The following SLC8A1 variants were observed in gnomAD, a reference collection of about 807,000 sequenced individuals.
The protein encoded by SLC8A1 is solute carrier family 8 member A1.
Under a neutral mutation model 68.3 loss-of-function variants are expected in SLC8A1, and 18 were observed. That is an observed-to-expected ratio of 0.26 (90% confidence interval 0.18 to 0.39). The LOEUF (loss-of-function observed/expected upper bound fraction) is 0.39. Among genes scored for constraint, SLC8A1 ranks in the 10% least tolerant of loss-of-function variants. The probability of loss-of-function intolerance (pLI) is 1.00; values close to 1 mark genes in which losing one functional copy is unlikely to be tolerated. For synonymous variants in SLC8A1, 475 were observed against 415.5 expected, an observed-to-expected ratio of 1.14 and a Z score of -1.74; for missense variants, 985 against 1,156.7, an observed-to-expected ratio of 0.85 and a Z score of 2.15.
At chr2:40,353,614 G>C (rs530919692) in intron 2 of SLC8A1, among the ~76,000 whole-genome samples, 3 of 152,236 alleles carry the variant, frequency 2.0e-5, no homozygotes, top group East Asian at 1.9e-4. Flanking sequence ...TAAATTTTAA[G>C]CATGTTATAA....
Position 40,330,366 on chromosome 2 carries a change from T to C in SLC8A1, c.1808+98107A>G, listed in dbSNP as rs143594529. 3.5e-3 allele frequency among the ~76,000 whole-genome samples: 529 copies of C among 152,338 alleles called. 2 individuals carry two copies. Among genetic ancestry groups the C allele is most frequent in the African/African-American group, 0.012 (493 of 41,584 alleles). The stretch of plus-strand genomic sequence containing the variant: ...GCTGAATTCCCATAAAATTTAGTTT[T>C]ACCTCTTTGAAAACTATGTGTGTTG... On this transcript the variant is annotated intron_variant, in intron 2 of 7. Coordinates refer to ENST00000406785, the Ensembl canonical transcript of SLC8A1.
intron 2 of SLC8A1, among the ~76,000 whole-genome samples, chr2:40,222,172 A>G (rs1023156813): frequency 2.6e-5 from 4 of 151,638 alleles, no homozygotes; most frequent in Non-Finnish European, 5.9e-5. Context: ...CAAATTAGAT[A>G]TATATATATA....
At chr2:40,371,189 T>G (rs1339039426) in intron 2 of SLC8A1, among the ~76,000 whole-genome samples, 1 of 152,120 alleles carries the variant, frequency 6.6e-6, no homozygotes, top group Non-Finnish European at 1.5e-5. Context: ...ATTTCAGGTG[T>G]TCACAGGAAA....
At chr2:40,132,024 G>A (rs2039475539) in intron 7 of SLC8A1, among the ~76,000 whole-genome samples, 1 of 151,924 alleles carries the variant, frequency 6.6e-6, no homozygotes, top group Non-Finnish European at 1.5e-5. Context: ...ACTCCATTAG[G>A]TGTTTTTCAT....
At chr2:40,128,428 G>T (rs1471466918) in intron 7 of SLC8A1, among the ~76,000 whole-genome samples, 4 of 152,138 alleles carry the variant, frequency 2.6e-5, no homozygotes, top group Non-Finnish European at 5.9e-5. Context: ...CTTCCTAATG[G>T]TTGTAATGGA....
chr2:40,238,976 G>A (rs1383348558), intron 2 of SLC8A1, among the ~76,000 whole-genome samples: 1 of 151,682 alleles, frequency 6.6e-6, no homozygotes, highest in Non-Finnish European at 1.5e-5. Context: ...CATGGAAACA[G>A]TTCCAAAACA....
intron 1 of SLC8A1, among the ~76,000 whole-genome samples, chr2:40,496,952 A>C (rs1705746816): frequency 1.4e-5 from 2 of 147,946 alleles, no homozygotes; most frequent in African/African-American, 5.0e-5. Flanking sequence ...GAGGGATAGC[A>C]TTGGGAGATA....
intron 6 of SLC8A1, among the ~76,000 whole-genome samples, chr2:40,155,453 A>G (rs2044299838): frequency 6.6e-6 from 1 of 152,124 alleles, no homozygotes; most frequent in African/African-American, 2.4e-5. Context: ...AACTGCTTAA[A>G]TTGGATTTTC....
At chr2:40,111,560 C>T (rs2034552965) in exon 8 of SLC8A1, 1 of 152,136 alleles carries the variant, frequency 6.6e-6, no homozygotes, top group Admixed American at 6.5e-5. Flanking sequence ...ATAGTAAGAA[C>T]TAAGTCCACT....
chr2:40,216,643 TC>T (rs2057529321), intron 2 of SLC8A1, among the ~76,000 whole-genome samples: 1 of 152,216 alleles, frequency 6.6e-6, no homozygotes, highest in Non-Finnish European at 1.5e-5. Context: ...TTCCTATTTC[TC>T]CATTGTGTCG....
At chr2:40,119,665 T>C (rs1259232165) in intron 7 of SLC8A1, among the ~76,000 whole-genome samples, 3 of 152,238 alleles carry the variant, frequency 2.0e-5, no homozygotes, top group Admixed American at 2.0e-4. Flanking sequence ...AAAACTTTTA[T>C]ATATGGATCA....
intron 2 of SLC8A1, among the ~76,000 whole-genome samples, chr2:40,233,061 G>T (rs1053091372): frequency 6.6e-6 from 1 of 152,044 alleles, no homozygotes; most frequent in Non-Finnish European, 1.5e-5. Flanking sequence ...GTAAACATAC[G>T]TGTGCATGTG....
chr2:40,351,384 T>C (rs975748360), intron 2 of SLC8A1, among the ~76,000 whole-genome samples: 3 of 152,054 alleles, frequency 2.0e-5, no homozygotes, highest in Non-Finnish European at 2.9e-5. Flanking sequence ...ATGGAGAATG[T>C]GGAGACAGTG....
chr2:40,483,356 G>A (rs1166026065), intron 1 of SLC8A1, among the ~76,000 whole-genome samples: 2 of 151,926 alleles, frequency 1.3e-5, no homozygotes, highest in African/African-American at 4.8e-5. Flanking sequence ...CTGGCCCCCA[G>A]AAGCTTATAA....
intron 1 of SLC8A1, among the ~76,000 whole-genome samples, chr2:40,485,401 G>A (rs1179050651): frequency 6.6e-6 from 1 of 152,102 alleles, no homozygotes; most frequent in Admixed American, 6.5e-5. Flanking sequence ...ATTTGAACAA[G>A]CAGGACTCAT....
At chr2:40,125,599 C>T (rs968234874) in intron 7 of SLC8A1, among the ~76,000 whole-genome samples, 2 of 152,148 alleles carry the variant, frequency 1.3e-5, no homozygotes, top group Non-Finnish European at 2.9e-5. Context: ...GTTTTAGTGA[C>T]TTCAACCCAC....
At chr2:40,296,704 T>C (rs2070455815) in intron 2 of SLC8A1, among the ~76,000 whole-genome samples, 1 of 152,230 alleles carries the variant, frequency 6.6e-6, no homozygotes, top group African/African-American at 2.4e-5. Flanking sequence ...TTATGTTTAC[T>C]CTTGTTATGT....
At chr2:40,461,897 A>C (rs993209187) in intron 1 of SLC8A1, among the ~76,000 whole-genome samples, 18 of 151,654 alleles carry the variant, frequency 1.2e-4, no homozygotes, top group African/African-American at 4.1e-4. Context: ...TAAGAAATCT[A>C]GTGTTGATTT....
chr2:40,137,692 G>C (rs1038193797), intron 7 of SLC8A1, among the ~76,000 whole-genome samples: 2 of 152,058 alleles, frequency 1.3e-5, no homozygotes, highest in Non-Finnish European at 2.9e-5. Context: ...CAAAGAAAAG[G>C]ACCAATATGG....
Sources: gnomAD v4.1 joint callset for allele counts (sites outside exome capture counted in the v4.1 genomes callset) on GRCh38, gnomAD v4.1.1 for gene constraint, MANE v1.5 for transcripts, NCBI Gene and HGNC (gene_info 2026-07-23, HGNC 2026-07-21) for gene names.